The following UCK2 variants were observed in gnomAD, a reference collection of about 807,000 sequenced individuals.
UCK2 encodes the protein uridine-cytidine kinase 2, also known as cytidine monophosphokinase 2.
UCK2 carries 6 observed loss-of-function variants against 30.8 expected under a neutral mutation model. That is an observed-to-expected ratio of 0.19 (90% CI 0.11 to 0.38). UCK2 has a LOEUF of 0.38. UCK2 is among the 10% of genes least tolerant of loss of function. The pLI is 1.00. For synonymous variants in UCK2, 125 were observed against 133.6 expected (o/e 0.94, Z 0.45); for missense variants, 210 against 339.8 (o/e 0.62, Z 3.00).
At chr1:165,837,264 A>G (rs1029846028) in intron 1 of UCK2, among the ~76,000 whole-genome samples, 2 of 152,254 alleles carry the variant, frequency 1.3e-5, no homozygotes, top group African/African-American at 4.8e-5. Context: ...ATTCATCTAC[A>G]GAAGAGGGTC....
intron 4 of UCK2, among the ~76,000 whole-genome samples, chr1:165,897,736 C>A (rs1441853618): frequency 6.6e-6 from 1 of 152,214 alleles, no homozygotes; most frequent in Admixed American, 6.5e-5. Context: ...GTAGAACCTA[C>A]AGAAACAAGT....
intron 5 of UCK2, among the ~76,000 whole-genome samples, chr1:165,903,561 G>C (rs922953753): frequency 6.6e-6 from 1 of 152,122 alleles, no homozygotes; most frequent in Non-Finnish European, 1.5e-5. Context: ...TTTCTTGCTT[G>C]GTGGGGTCAT....
chr1:165,847,283 A>C (rs1654474391), intron 1 of UCK2, among the ~76,000 whole-genome samples: 1 of 152,210 alleles, frequency 6.6e-6, no homozygotes. Flanking sequence ...GAGGATTGTA[A>C]AGATTACATA....
In UCK2 at chr1:165,878,640, G is replaced by A. The variant is rs190453769; in HGVS notation, c.100-11564G>A. Reference sequence around the variant, plus strand: ...ATTACAGGCGTAAGCCACCGTGCCCGGCTGCCAGCTTATTTCTTTTTAGCA... The same window carrying A: ...ATTACAGGCGTAAGCCACCGTGCCCAGCTGCCAGCTTATTTCTTTTTAGCA... On this transcript the variant is annotated intron_variant, in intron 1 of 6. Transcript: ENST00000367879. 1.8e-3 allele frequency among the ~76,000 whole-genome samples: 276 copies of A among 152,278 alleles called. 2 individuals carry two copies. Among genetic ancestry groups the A allele is most frequent in the Non-Finnish European group, 3.4e-3 (234 of 68,018 alleles).
At chr1:165,874,549 A>T (rs1250864563) in intron 1 of UCK2, among the ~76,000 whole-genome samples, 1 of 152,112 alleles carries the variant, frequency 6.6e-6, no homozygotes, top group Non-Finnish European at 1.5e-5. Context: ...TAGGGCAGGG[A>T]TTTGGATGTC....
intron 1 of UCK2, among the ~76,000 whole-genome samples, chr1:165,853,901 C>T (rs1292870238): frequency 6.6e-6 from 1 of 152,152 alleles, no homozygotes; most frequent in East Asian, 1.9e-4. Flanking sequence ...GGAATGTCCA[C>T]TCATGGGAGC....
intron 1 of UCK2, among the ~76,000 whole-genome samples, chr1:165,837,141 A>G (rs1047732911): frequency 1.3e-5 from 2 of 152,202 alleles, no homozygotes; most frequent in African/African-American, 2.4e-5. Flanking sequence ...CCACTTCCCA[A>G]CACTGCCACA....
chr1:165,833,548 T>G (rs546148814), intron 1 of UCK2, among the ~76,000 whole-genome samples: 1 of 152,158 alleles, frequency 6.6e-6, no homozygotes, highest in Non-Finnish European at 1.5e-5. Context: ...GTCTTTGAAG[T>G]ATGGTTTCTG....
At chr1:165,846,455 C>G (rs1344191447) in intron 1 of UCK2, among the ~76,000 whole-genome samples, 1 of 151,484 alleles carries the variant, frequency 6.6e-6, no homozygotes, top group Non-Finnish European at 1.5e-5. Context: ...TTAAACAAAA[C>G]AAAACAAAAC....
At chr1:165,866,690 T>C (rs1386667572) in intron 1 of UCK2, among the ~76,000 whole-genome samples, 1 of 152,220 alleles carries the variant, frequency 6.6e-6, no homozygotes, top group African/African-American at 2.4e-5. Flanking sequence ...CCCCAGGCCC[T>C]GGCAACCACC....
intron 1 of UCK2, among the ~76,000 whole-genome samples, chr1:165,834,225 A>G (rs1654126416): frequency 6.6e-6 from 1 of 152,188 alleles, no homozygotes; most frequent in Admixed American, 6.5e-5. Context: ...AGTTACCTCT[A>G]AAAAGATCCA....
intron 3 of UCK2, chr1:165,894,315 C>T (rs1655839335): frequency 6.6e-6 from 1 of 152,178 alleles, no homozygotes; most frequent in South Asian, 2.1e-4. Flanking sequence ...AGCCTTCCCA[C>T]ACTCTCCTTG....
At chr1:165,903,300 G>GT (rs1178391847) in intron 5 of UCK2, 21 bp downstream of exon 5, 1 of 1,605,806 alleles carries the variant, frequency 6.2e-7, no homozygotes, top group East Asian at 2.2e-5. Context: ...TTCTTGGTTT[G>GT]TTTTTGTTGA....
At chr1:165,892,572 C>T (rs1655797605) in intron 3 of UCK2, 1 of 152,188 alleles carries the variant, frequency 6.6e-6, no homozygotes, top group Admixed American at 6.5e-5. Flanking sequence ...CTCTTGTTGG[C>T]GTAGTAACCT....
chr1:165,883,039 T>C (rs1197229361), intron 1 of UCK2, among the ~76,000 whole-genome samples: 3 of 152,136 alleles, frequency 2.0e-5, no homozygotes, highest in Non-Finnish European at 4.4e-5. Flanking sequence ...TTGGCCAGGA[T>C]GGTCTTGATC....
chr1:165,899,661 G>A (rs1269879561), intron 4 of UCK2, among the ~76,000 whole-genome samples: 1 of 152,212 alleles, frequency 6.6e-6, no homozygotes, highest in Non-Finnish European at 1.5e-5. Flanking sequence ...GAAAAGGCCT[G>A]TCCTGGCCCA....
rs559340258 is a variant in UCK2 at position 165,909,661 on chromosome 1, G to C, written c.*1838G>C. On this transcript the variant is annotated 3_prime_UTR_variant, in exon 7 of 7. Coordinates refer to ENST00000367879, the MANE Select transcript of UCK2 (RefSeq NM_012474.5). ...AGCCGCCTACTTGGAGCAAGGGAAG[G>C]CTCCCAAGATGCCTCCTTTGAAAGC... 11 of 152,428 alleles carry C rather than the reference G, an allele frequency of 7.2e-5. No homozygotes were observed. The highest frequency in any genetic ancestry group is 2.2e-4 in the African/African-American group (9 of 41,590). The allele number at this position is 152,428 out of a possible 1,614,324, so 9.4% of individuals were successfully genotyped here.
At chr1:165,871,569 C>T (rs939458552) in intron 1 of UCK2, among the ~76,000 whole-genome samples, 20 of 152,160 alleles carry the variant, frequency 1.3e-4, no homozygotes, top group Admixed American at 5.9e-4. Context: ...GGGTGTCAGC[C>T]TGGCCTGCCT....
At chr1:165,844,774 G>A (rs1654408253) in intron 1 of UCK2, among the ~76,000 whole-genome samples, 3 of 151,876 alleles carry the variant, frequency 2.0e-5, no homozygotes, top group Admixed American at 2.0e-4. Flanking sequence ...AAACCCAAAA[G>A]GACAGTGTTT....
Sources: gnomAD v4.1 joint callset for allele counts (sites outside exome capture counted in the v4.1 genomes callset) on GRCh38, gnomAD v4.1.1 for gene constraint, MANE v1.5 for transcripts, NCBI Gene and HGNC (gene_info 2026-07-23, HGNC 2026-07-21) for gene names.